SH2D3C: variants seen among roughly 807,000 people sequenced by gnomAD.
SH2D3C encodes SH2 domain-containing protein 3C.
Under a neutral mutation model 75.2 loss-of-function variants are expected in SH2D3C, and 25 were observed. The ratio of observed to expected loss-of-function variants is 0.33; its 90% CI spans 0.24 to 0.46. SH2D3C has a LOEUF of 0.46. Among genes scored for constraint, SH2D3C ranks in the 20% least tolerant of loss-of-function variants. The probability of loss-of-function intolerance (pLI) is 1.00; values close to 1 mark genes in which losing one functional copy is unlikely to be tolerated. For synonymous variants in SH2D3C, 450 were observed against 473.7 expected (o/e 0.95, Z 0.65); for missense variants, 933 against 1,165.3 (o/e 0.80, Z 2.90).
At chr9:127,742,740 GCC>G (rs1844900449) in intron 8 of SH2D3C, 107 bp downstream of exon 8, 1 of 727,410 alleles carries the variant, frequency 1.4e-6, no homozygotes, top group Non-Finnish European at 2.2e-6. Flanking sequence ...CGTGGCCAGA[GCC>G]CCCTGGGAGC....
intron 1 of SH2D3C, among the ~76,000 whole-genome samples, chr9:127,775,799 G>A (rs1845800209): frequency 1.3e-5 from 2 of 152,126 alleles, no homozygotes; most frequent in Non-Finnish European, 1.5e-5. Flanking sequence ...AACAGGGCAA[G>A]AGCCTGTCTC....
chr9:127,769,310 T>C (rs1170729528), intron 2 of SH2D3C, among the ~76,000 whole-genome samples: 2 of 152,210 alleles, frequency 1.3e-5, no homozygotes, highest in African/African-American at 4.8e-5. Context: ...TAAAATGGGC[T>C]CCTTTCCAGA....
intron 8 of SH2D3C, 25 bp from the exon 9 acceptor site, chr9:127,741,984 C>T: frequency 1.9e-6 from 3 of 1,581,084 alleles, no homozygotes; most frequent in Non-Finnish European, 2.6e-6. Context: ...GGGTCAGAGG[C>T]GGCGGGCTCG....
intron 2 of SH2D3C, chr9:127,771,267 C>G: frequency 2.0e-6 from 3 of 1,534,426 alleles, no homozygotes; most frequent in Non-Finnish European, 2.6e-6. Flanking sequence ...CCGGGGACCT[C>G]CTAAACCCAG....
rs779456864 is a variant in SH2D3C at position 127,751,286 on chromosome 9, C to G, written c.570G>C (p.Lys190Asn). Residue 190 changes from lysine (K) to asparagine (N), a missense_variant, in exon 4 of 12, where the codon AAG (lysine) becomes AAC (asparagine). Coordinates refer to ENST00000314830, the MANE Select transcript of SH2D3C (RefSeq NM_170600.3). The surrounding 1 kb of genome is among the most constrained non-coding windows in gnomAD (Gnocchi z 4.1). Reference protein sequence around the residue: ...GSDYVKFSKEKYILDSSPEKL... With the variant: ...GSDYVKFSKENYILDSSPEKL... Reference sequence around the variant, plus strand: ...TCTCTGGCGATGAGTCCAGGATGTACTTCTCCTTGGAGAACTGGGTAGAAA... The same window carrying G: ...TCTCTGGCGATGAGTCCAGGATGTAGTTCTCCTTGGAGAACTGGGTAGAAA... The G allele has an allele frequency of 8.7e-6, 14 of 1,613,930 alleles. No homozygotes were observed. The highest frequency in any genetic ancestry group is 1.2e-5 in the Non-Finnish European group (14 of 1,179,822).
rs1845289081 is a variant in SH2D3C, at chr9:127,754,256, C to G, written c.556-2956G>C. On this transcript the variant is annotated intron_variant, in intron 3 of 11. Coordinates refer to ENST00000314830, the MANE Select transcript of SH2D3C (RefSeq NM_170600.3). This position sits in a 1 kb window ranked among gnomAD's most constrained non-coding sequence, Gnocchi z 4.4. ...CTCCGCCGCCGGCGGGGCAGTCCTTCAGGCGGGCTCCGCGAGCGTGTGTGA... is the reference window on the plus strand; with the variant it reads ...CTCCGCCGCCGGCGGGGCAGTCCTTGAGGCGGGCTCCGCGAGCGTGTGTGA... Among the ~76,000 whole-genome samples, 1 of 152,172 alleles carries G rather than the reference C, an allele frequency of 6.6e-6. No homozygotes were observed. Among genetic ancestry groups the G allele is most frequent in the African/African-American group, 2.4e-5 (1 of 41,438 alleles).
chr9:127,769,831 C>T (rs77966244), intron 2 of SH2D3C, among the ~76,000 whole-genome samples: 7 of 152,168 alleles, frequency 4.6e-5, no homozygotes, highest in African/African-American at 7.2e-5. Flanking sequence ...CCCTTCCCCT[C>T]TCTGAGTCTC....
chr9:127,750,885 CCAA>C (rs1319736118), intron 4 of SH2D3C, among the ~76,000 whole-genome samples: 1 of 152,186 alleles, frequency 6.6e-6, no homozygotes, highest in African/African-American at 2.4e-5. Flanking sequence ...AGAACAAAGG[CCAA>C]CATTCATGGT....
intron 2 of SH2D3C, among the ~76,000 whole-genome samples, chr9:127,770,170 G>T (rs1336633635): frequency 6.6e-6 from 1 of 152,052 alleles, no homozygotes; most frequent in Admixed American, 6.6e-5. Context: ...GGAGCTAAAG[G>T]TCCCTCCTCC....
At position 127,744,615 on chromosome 9, in the gene SH2D3C, T is replaced by G; in HGVS notation, c.1749A>C (p.Ala583=). The G allele has an allele frequency of 6.2e-7, 1 of 1,613,010 alleles. No individual in the cohort carries two copies. Among genetic ancestry groups the G allele is most frequent in the Non-Finnish European group, 8.5e-7 (1 of 1,179,032 alleles). ...GGGCCAGCGTCCGGGCATCCACTTC[T>G]GCCAGCAGCTCCTTGACCTTGCGCA... The part of the protein sequence containing the change: ...GLLRKVKELL[A]EVDARTLARH... The change falls in exon 7 of 12, where the codon GCA becomes GCC. Residue 583 remains alanine (A), a synonymous_variant. Transcript: ENST00000314830.
At chr9:127,755,128 A>G in intron 3 of SH2D3C, 2 of 1,220,268 alleles carry the variant, frequency 1.6e-6, no homozygotes, top group Non-Finnish European at 2.0e-6. Context: ...GGCGGCCGAC[A>G]GGGCACTCCA....
chr9:127,765,759 C>A (rs139161139), intron 2 of SH2D3C, among the ~76,000 whole-genome samples: 3 of 152,290 alleles, frequency 2.0e-5, no homozygotes, highest in African/African-American at 7.2e-5. Context: ...ATCCAGGAAT[C>A]AAAGCATCCA....
intron 9 of SH2D3C, 57 bp from the exon 10 acceptor site, chr9:127,740,426 T>A: frequency 8.0e-7 from 1 of 1,250,366 alleles, no homozygotes. Flanking sequence ...GGGGCCACCC[T>A]GCTGCCCTGC....
chr9:127,774,158 C>A lies in SH2D3C; in HGVS notation c.347G>T (p.Gly116Val), dbSNP rs372714580. 7 of 1,614,082 alleles carry A rather than the reference C, an allele frequency of 4.3e-6. No individual in the cohort carries two copies. Among genetic ancestry groups the A allele is most frequent in the South Asian group, 1.1e-5 (1 of 91,078 alleles). ...CATCACCTCTTTGGCTGCCTCCAAG[C>A]CTGGGGGGTCGGGTACACCTCCGGG... Reference protein sequence around the residue: ...LVPGGVPDPPGLEAAKEVMVK... With the variant: ...LVPGGVPDPPVLEAAKEVMVK... The change falls in exon 2 of 12, where the codon GGC becomes GTC. Residue 116 changes from glycine to valine, a missense_variant. Physicochemically the swap from Gly to Val is moderately radical, Grantham distance 109. Transcript: ENST00000314830. This position sits in a 1 kb window ranked among gnomAD's most constrained non-coding sequence, Gnocchi z 4.3.
Position 127,739,553 on chromosome 9 carries a change from G to A in SH2D3C, c.2407+129C>T. 1 of 734,928 alleles carries A rather than the reference G, an allele frequency of 1.4e-6. No homozygotes were observed. The allele number at this position is 734,928 out of a possible 1,614,324, so 45.5% of individuals were successfully genotyped here. ...AAAAGAAAAGACATGAGAGGAAGGG[G>A]TCAGGGAGACAGGGCAGGACAGAGG... is the stretch of plus-strand genomic sequence containing the variant. On this transcript the variant is annotated intron_variant, in intron 11 of 11. Transcript: ENST00000314830. The surrounding 1 kb of genome is among the most constrained non-coding windows in gnomAD (Gnocchi z 4.3).
At chr9:127,755,308 G>A (rs1169459913) in intron 3 of SH2D3C, 5 of 1,040,130 alleles carry the variant, frequency 4.8e-6, no homozygotes, top group Non-Finnish European at 6.0e-6. Context: ...GAGCGGGGAG[G>A]CGGGGCGGGG....
intron 2 of SH2D3C, 56 bp from the exon 3 acceptor site, chr9:127,761,706 C>CG (rs1845531568): frequency 6.7e-7 from 1 of 1,494,168 alleles, no homozygotes; most frequent in Admixed American, 1.7e-5. Flanking sequence ...CCCCAGCTGC[C>CG]GGTCTCTTGC....
chr9:127,755,839 G>C (rs1225203408), intron 3 of SH2D3C, among the ~76,000 whole-genome samples: 2 of 152,170 alleles, frequency 1.3e-5, no homozygotes, highest in African/African-American at 4.8e-5. Flanking sequence ...CTTTCCCTGG[G>C]ATCTACGACT....
At chr9:127,764,460 G>A (rs1048270974) in intron 2 of SH2D3C, among the ~76,000 whole-genome samples, 1 of 152,158 alleles carries the variant, frequency 6.6e-6, no homozygotes, top group South Asian at 2.1e-4. Context: ...TTCAAAGGAA[G>A]GCCAGATCAC....
Sources: gnomAD v4.1 joint callset for allele counts (sites outside exome capture counted in the v4.1 genomes callset) on GRCh38, gnomAD v4.1.1 for gene constraint, Gnocchi (gnomAD v3.1) non-coding constraint, MANE v1.5 for transcripts, NCBI Gene and HGNC (gene_info 2026-07-23, HGNC 2026-07-21) for gene names.